The following NTM variants were observed in gnomAD, a reference collection of about 807,000 sequenced individuals.
NTM encodes IgLON family member 2.
NTM carries 13 observed loss-of-function variants against 42.1 expected under a neutral mutation model. That is an observed-to-expected ratio of 0.31 (90% CI 0.20 to 0.49). The LOEUF (loss-of-function observed/expected upper bound fraction) is 0.49, where lower values mean the gene tolerates loss of function less well. Ranked by LOEUF, NTM falls within the 20% of genes least tolerant of loss-of-function variation. The pLI is 0.99. For synonymous variants in NTM, 187 were observed against 179.2 expected, an observed-to-expected ratio of 1.04 and a Z score of -0.35; for missense variants, 373 against 452.8, an observed-to-expected ratio of 0.82 and a Z score of 1.60.
intron 2 of NTM, chr11:131,981,579 A>C (rs950634984): frequency 2.0e-5 from 3 of 152,208 alleles, no homozygotes; most frequent in African/African-American, 4.8e-5. Flanking sequence ...TGTCTGTGGC[A>C]AGAGAGGACT....
At chr11:132,263,148 G>A (rs2092970255) in intron 4 of NTM, among the ~76,000 whole-genome samples, 1 of 152,210 alleles carries the variant, frequency 6.6e-6, no homozygotes, top group Non-Finnish European at 1.5e-5. Context: ...TGGCAGTCCT[G>A]CGCCCACAGT....
intron 2 of NTM, among the ~76,000 whole-genome samples, chr11:132,126,337 T>C (rs542740904): frequency 1.8e-4 from 28 of 152,298 alleles, no homozygotes; most frequent in Admixed American, 4.6e-4. Context: ...TGACAGGAGA[T>C]GCCTGTGCCA....
intron 2 of NTM, among the ~76,000 whole-genome samples, chr11:132,044,494 GA>G (rs1387456850): frequency 6.6e-6 from 1 of 152,126 alleles, no homozygotes; most frequent in Non-Finnish European, 1.5e-5. Flanking sequence ...CCCCTCTTCT[GA>G]ATTTCCTCAT....
chr11:132,039,448 G>A (rs931210609), intron 2 of NTM, among the ~76,000 whole-genome samples: 1 of 148,728 alleles, frequency 6.7e-6, no homozygotes, highest in Non-Finnish European at 1.5e-5. Context: ...AGAAAGACAG[G>A]GTCTTACAAT....
intron 2 of NTM, among the ~76,000 whole-genome samples, chr11:131,929,714 G>A (rs79383487): frequency 6.6e-6 from 1 of 151,954 alleles, no homozygotes; most frequent in South Asian, 2.1e-4. Flanking sequence ...AAAGTAAGAC[G>A]CCACTTCCAA....
At chr11:132,214,244 C>T (rs80213269) in intron 4 of NTM, among the ~76,000 whole-genome samples, 2,255 of 152,294 alleles carry the variant, frequency 0.015, 21 homozygotes, top group Middle Eastern at 0.048. Context: ...GCTAAGTCCG[C>T]GGTGTGCACC....
intron 2 of NTM, among the ~76,000 whole-genome samples, chr11:131,994,862 A>T (rs899447778): frequency 6.6e-6 from 1 of 152,090 alleles, no homozygotes; most frequent in Non-Finnish European, 1.5e-5. Context: ...CATATTCTGA[A>T]TTTCTACTCC....
At chr11:131,758,718 G>A (rs916722404) in intron 1 of NTM, among the ~76,000 whole-genome samples, 8 of 151,852 alleles carry the variant, frequency 5.3e-5, no homozygotes, top group African/African-American at 9.7e-5. Context: ...TCTGCCTCCC[G>A]AGTAGCTGGG....
intron 2 of NTM, among the ~76,000 whole-genome samples, chr11:132,077,947 G>A (rs983572684): frequency 2.0e-5 from 3 of 152,092 alleles, no homozygotes; most frequent in Admixed American, 1.3e-4. Flanking sequence ...ATATTTATTG[G>A]CAAGTTAAAT....
intron 1 of NTM, chr11:131,911,066 T>C: frequency 1.8e-6 from 2 of 1,096,926 alleles, no homozygotes; most frequent in African/African-American, 3.2e-5. Context: ...TCTGGGTAGC[T>C]GGATGAAGCC....
intron 5 of NTM, among the ~76,000 whole-genome samples, chr11:132,308,250 C>T (rs1017199897): frequency 6.6e-6 from 1 of 152,158 alleles, no homozygotes; most frequent in Non-Finnish European, 1.5e-5. Flanking sequence ...AAGGAAGTTT[C>T]AAACTTCCAT....
chr11:131,716,837 T>TTTGTTG (rs769057595), intron 1 of NTM, among the ~76,000 whole-genome samples: 2 of 152,232 alleles, frequency 1.3e-5, no homozygotes, highest in African/African-American at 2.4e-5. Context: ...ACTAAAGCTT[T>TTTGTTG]TTGTTGTTGT....
intron 1 of NTM, among the ~76,000 whole-genome samples, chr11:131,789,642 G>GAAGAAGAAGAAGAAGAAGAA (rs2090507456): frequency 8.2e-6 from 1 of 122,330 alleles, no homozygotes; most frequent in Non-Finnish European, 1.7e-5. Context: ...AAGAAAAGAA[G>GAAGAAGAAGAAGAAGAAGAA]AAGAAGAAGA....
chr11:131,638,761 C>G (rs1032503241), intron 1 of NTM, among the ~76,000 whole-genome samples: 2 of 151,798 alleles, frequency 1.3e-5, no homozygotes, highest in African/African-American at 4.8e-5. Context: ...CACTAAATAG[C>G]CAGGAAATCT....
At chr11:131,533,310 C>T (rs558754110) in intron 1 of NTM, among the ~76,000 whole-genome samples, 113 of 152,318 alleles carry the variant, frequency 7.4e-4, no homozygotes, top group African/African-American at 2.6e-3. Context: ...CTCACACCCA[C>T]ATGTTCCTAG....
chr11:131,700,119 A>C (rs2075924699), intron 1 of NTM, among the ~76,000 whole-genome samples: 1 of 152,164 alleles, frequency 6.6e-6, no homozygotes, highest in African/African-American at 2.4e-5. Context: ...GGTAACAAGC[A>C]GAGCATTTTG....
intron 1 of NTM, among the ~76,000 whole-genome samples, chr11:131,890,938 A>G (rs1214109462): frequency 1.3e-5 from 2 of 152,138 alleles, no homozygotes; most frequent in African/African-American, 2.4e-5. Flanking sequence ...CTGGGCAAGC[A>G]CGTCCCTGAT....
At chr11:131,872,612 G>A (rs930748314) in intron 1 of NTM, among the ~76,000 whole-genome samples, 1 of 152,166 alleles carries the variant, frequency 6.6e-6, no homozygotes, top group Non-Finnish European at 1.5e-5. Context: ...TGCATGTATA[G>A]TTGAAAGAAT....
intron 2 of NTM, among the ~76,000 whole-genome samples, chr11:132,014,157 G>A (rs2072882568): frequency 6.6e-6 from 1 of 151,948 alleles, no homozygotes; most frequent in Admixed American, 6.6e-5. Flanking sequence ...TTGTCTTTCT[G>A]TGCCTGACTT....
Sources: gnomAD v4.1 joint callset for allele counts (sites outside exome capture counted in the v4.1 genomes callset) on GRCh38, gnomAD v4.1.1 for gene constraint, MANE v1.5 for transcripts, NCBI Gene and HGNC (gene_info 2026-07-23, HGNC 2026-07-21) for gene names.